Variants in ATM observed in about 807,000 individuals in gnomAD.
The protein encoded by ATM is ATM serine/threonine kinase.
ATM carries 308 observed loss-of-function variants against 387.0 expected under a neutral mutation model. The observed-to-expected ratio is 0.80, with a 90% CI of 0.73 to 0.87. The LOEUF (loss-of-function observed/expected upper bound fraction) is 0.87, where lower values mean the gene tolerates loss of function less well. ATM is among the 40% of genes least tolerant of loss of function. The probability of loss-of-function intolerance (pLI) is 0.00; values close to 1 mark genes in which losing one functional copy is unlikely to be tolerated. For synonymous variants in ATM, 1,156 were observed against 1,187.3 expected (o/e 0.97, Z 0.54); for missense variants, 3,312 against 3,560.9 (o/e 0.93, Z 1.78).
chr11:108,269,413 C>T (rs1017726499), intron 18 of ATM, among the ~76,000 whole-genome samples: 3 of 152,172 alleles, frequency 2.0e-5, no homozygotes, highest in Admixed American at 1.3e-4. Context: ...TCACCCTGTC[C>T]ATTTATCTGT....
intron 40 of ATM, 107 bp downstream of exon 40, chr11:108,312,605 T>G: frequency 3.7e-6 from 3 of 811,232 alleles, no homozygotes; most frequent in Non-Finnish European, 6.2e-6. Context: ...CTGAATTTAC[T>G]TACTGGACTA....
Position 108,229,190 on chromosome 11 carries a change from A to G in ATM, c.198A>G (p.Lys66=), listed in dbSNP as rs540920248. 5.0e-5 allele frequency: 80 copies of G among 1,612,254 alleles called. No homozygotes were observed. Among genetic ancestry groups the G allele is most frequent in the Admixed American group, 1.7e-5 (1 of 59,912 alleles). ...TGTTTTCTTGAAGATTTTTACAGAA[A>G]TATATTCAGAAAGAAACAGAATGTC... The part of the protein sequence containing the change: ...NWDAVFRFLQ[K]YIQKETECLR... Residue 66 remains lysine, a synonymous_variant, in exon 4 of 63, where the codon AAA becomes AAG. Coordinates refer to ENST00000675843, the MANE Select transcript of ATM (RefSeq NM_000051.4).
In ATM at chr11:108,307,972, G is replaced by C. The variant is rs377289524; in HGVS notation, c.5750G>C (p.Arg1917Thr). 7 of 1,611,230 alleles carry C rather than the reference G, an allele frequency of 4.3e-6. No homozygotes were observed. The highest frequency in any genetic ancestry group is 5.9e-6 in the Non-Finnish European group (7 of 1,177,632). Residue 1917 changes from arginine to threonine, a missense_variant, in exon 38 of 63, where the codon AGA becomes ACA. Arg to Thr is a moderately conservative substitution (Grantham distance 71, BLOSUM62 -1). Coordinates refer to ENST00000675843, the MANE Select transcript of ATM (RefSeq NM_000051.4). ...ATGCTTGCTGTTGTGGACTACATGAGAAGACAAAAGAGGTAATGTAATGAG... is the reference window on the plus strand; with the variant it reads ...ATGCTTGCTGTTGTGGACTACATGACAAGACAAAAGAGGTAATGTAATGAG... ...RTMLAVVDYMRRQKRPSSGTI... is the reference protein window; with the variant it reads ...RTMLAVVDYMTRQKRPSSGTI...
At chr11:108,335,181 T>A in intron 55 of ATM, 72 bp downstream of exon 55, 1 of 1,606,918 alleles carries the variant, frequency 6.2e-7, no homozygotes, top group Non-Finnish European at 8.5e-7. Context: ...ATTTTCTTTC[T>A]GCTTTATTTG....
At position 108,309,330 on chromosome 11, in the gene ATM, C is replaced by G. The variant is rs575806495; in HGVS notation, c.5763-830C>G. Among the ~76,000 whole-genome samples the G allele has an allele frequency of 2.0e-5, 3 of 152,262 alleles. No individual in the cohort carries two copies. In the East Asian group the frequency reaches 5.8e-4, roughly 29 times the overall value. On this transcript the variant is annotated intron_variant, in intron 38 of 62. Coordinates refer to ENST00000675843, the MANE Select transcript of ATM (RefSeq NM_000051.4). Reference sequence around the variant, plus strand: ...TCACTTCTCTGAACTTAACATTCATCGGAAAATTAACTTTAGTTGAGTGCT... The same window carrying G: ...TCACTTCTCTGAACTTAACATTCATGGGAAAATTAACTTTAGTTGAGTGCT...
At chr11:108,343,142 C>T (rs2087792524) in intron 56 of ATM, 80 bp from the exon 57 acceptor site, 1 of 1,565,158 alleles carries the variant, frequency 6.4e-7, no homozygotes, top group Non-Finnish European at 8.8e-7. Context: ...ATGCTTTGCA[C>T]TGACTCTGAT....
At chr11:108,301,258 T>C (rs1303270901) in intron 34 of ATM, among the ~76,000 whole-genome samples, 1 of 152,240 alleles carries the variant, frequency 6.6e-6, no homozygotes, top group South Asian at 2.1e-4. Flanking sequence ...ACAAGTTTTT[T>C]GTATTTTTCT....
chr11:108,300,671 G>T (rs1455389190), intron 34 of ATM, among the ~76,000 whole-genome samples: 1 of 151,844 alleles, frequency 6.6e-6, no homozygotes, highest in Non-Finnish European at 1.5e-5. Flanking sequence ...TTCTTTTGTT[G>T]TTGTTTTTGT....
intron 61 of ATM, among the ~76,000 whole-genome samples, chr11:108,356,791 G>T (rs1190374970): frequency 6.6e-6 from 1 of 152,082 alleles, no homozygotes; most frequent in Admixed American, 6.6e-5. Flanking sequence ...AGAGTAGTAG[G>T]AGATCAAATG....
intron 5 of ATM, among the ~76,000 whole-genome samples, chr11:108,237,448 T>G (rs1031253123): frequency 6.6e-6 from 1 of 152,226 alleles, no homozygotes; most frequent in Admixed American, 6.5e-5. Flanking sequence ...TTTTTATTTT[T>G]AAACTAACTA....
At chr11:108,235,237 A>G (rs2079206451) in intron 4 of ATM, among the ~76,000 whole-genome samples, 1 of 149,472 alleles carries the variant, frequency 6.7e-6, no homozygotes, top group African/African-American at 2.5e-5. Flanking sequence ...TGGAGGCTGC[A>G]GTGTGCTGAG....
chr11:108,327,797 C>T (rs1490046705), intron 48 of ATM, 39 bp downstream of exon 48: 2 of 1,388,912 alleles, frequency 1.4e-6, no homozygotes, highest in Non-Finnish European at 1.0e-6. Context: ...AGTTACTTAG[C>T]ATGAATATGC....
intron 37 of ATM, among the ~76,000 whole-genome samples, chr11:108,305,623 A>G (rs900552793): frequency 1.3e-5 from 2 of 152,138 alleles, no homozygotes; most frequent in Admixed American, 6.5e-5. Context: ...TATAATTAAC[A>G]TTTAGTGTAT....
rs752000273 is a variant in ATM at position 108,279,626 on chromosome 11, G to C, written c.3402+18G>C. On this transcript the variant is annotated intron_variant, in intron 23 of 62. Transcript: ENST00000675843. ...GAGAAATGGTAATTTTAAGTAACAT[G>C]TATTTGCTGTTATCATATGCTTGCT... 3 of 1,553,950 alleles carry C rather than the reference G, an allele frequency of 1.9e-6. No homozygotes were observed. The highest frequency in any genetic ancestry group is 2.7e-6 in the Non-Finnish European group (3 of 1,126,020).
rs1555093268 is a variant in ATM at position 108,284,228 on chromosome 11, T to C, written c.3748T>C (p.Ser1250Pro). ...TATTTTAAATTTTTCTATTTTTAGA[T>C]CTTGTTATAAGGTTTTGATTCCACA... ...NYTNIEDFYR[S>P]CYKVLIPHLV... The change falls in exon 26 of 63, where the codon TCT (serine) becomes CCT (proline). Residue 1250 changes from serine (S) to proline (P), a missense_variant and splice_region_variant. This residue lies in a region of ATM where 1,791 missense variants were observed against 1,804.5 expected (regional missense o/e 0.99). Coordinates refer to ENST00000675843, the MANE Select transcript of ATM (RefSeq NM_000051.4). 1 of 1,604,090 alleles carries C rather than the reference T, an allele frequency of 6.2e-7. No homozygotes were observed. The highest frequency in any genetic ancestry group is 8.5e-7 in the Non-Finnish European group (1 of 1,172,922).
At position 108,257,537 on chromosome 11, in the gene ATM, G is replaced by C. The variant is rs1233133144; in HGVS notation, c.2307G>C (p.Glu769Asp). The change falls in exon 15 of 63, where the codon GAG (glutamate) becomes GAC (aspartate). Residue 769 changes from glutamate to aspartate, a missense_variant. Around this residue, in one of 4 missense-constraint regions of ATM, gnomAD observed 1,791 missense variants for 1,804.5 expected, o/e 0.99. Transcript: ENST00000675843. Reference sequence around the variant, plus strand: ...CTCTGTTTAAAAATAAGACAAATGAGGAATTCAGAATTGGTTCCTTGAGAA... The same window carrying C: ...CTCTGTTTAAAAATAAGACAAATGACGAATTCAGAATTGGTTCCTTGAGAA... ...SITLFKNKTN[E>D]EFRIGSLRNM... 6.2e-7 allele frequency: 1 copy of C among 1,613,980 alleles called. No homozygotes were observed. Among genetic ancestry groups the C allele is most frequent in the South Asian group, 1.1e-5 (1 of 91,088 alleles).
intron 27 of ATM, 125 bp downstream of exon 27, chr11:108,287,840 A>G (rs1306868166): frequency 1.0e-5 from 7 of 677,252 alleles, no homozygotes; most frequent in Non-Finnish European, 1.8e-5. Context: ...AATTTTCTTT[A>G]AAAATAGCCA....
At chr11:108,339,189 C>T (rs2087202525) in intron 56 of ATM, among the ~76,000 whole-genome samples, 1 of 152,142 alleles carries the variant, frequency 6.6e-6, no homozygotes, top group Admixed American at 6.5e-5. Context: ...TTTTTCTCCA[C>T]CAAAACTATG....
intron 40 of ATM, among the ~76,000 whole-genome samples, chr11:108,313,909 A>T (rs1267194828): frequency 3.3e-5 from 5 of 152,058 alleles, no homozygotes; most frequent in African/African-American, 1.2e-4. Context: ...TTTTTATTTA[A>T]CTGAGATTGT....
Sources: gnomAD v4.1 joint callset for allele counts (sites outside exome capture counted in the v4.1 genomes callset) on GRCh38, gnomAD v4.1.1 for gene constraint, gnomAD v4.1.1 regional missense constraint, MANE v1.5 for transcripts, NCBI Gene and HGNC (gene_info 2026-07-23, HGNC 2026-07-21) for gene names.